The following CREB5 variants were observed in gnomAD, a reference collection of about 807,000 sequenced individuals.
CREB5 encodes cAMP responsive element binding protein 5, also known as cyclic AMP-responsive element-binding protein 5.
A neutral mutation model predicts 57.1 loss-of-function variants in CREB5; 19 were observed. The ratio of observed to expected loss-of-function variants is 0.33; its 90% confidence interval spans 0.23 to 0.49. The LOEUF (loss-of-function observed/expected upper bound fraction) is 0.49, where lower values mean the gene tolerates loss of function less well. Ranked by LOEUF, CREB5 falls within the 20% of genes least tolerant of loss-of-function variation. The probability of loss-of-function intolerance (pLI) is 0.99; values close to 1 mark genes in which losing one functional copy is unlikely to be tolerated. For synonymous variants in CREB5, 238 were observed against 238.3 expected, an observed-to-expected ratio of 1.00 and a Z score of 0.01; for missense variants, 579 against 671.6, an observed-to-expected ratio of 0.86 and a Z score of 1.52.
rs533878301 is a variant in CREB5, at chr7:28,678,946, C to G, written c.465-39807C>G. 3.3e-5 allele frequency among the ~76,000 whole-genome samples: 5 copies of G among 152,140 alleles called. No individual in the cohort carries two copies. The East Asian group carries it at 9.7e-4, about 29-fold the overall frequency. On this transcript the variant is annotated intron_variant, in intron 5 of 10. Transcript: ENST00000357727. ...GACACAGAGCTCTACAGCTGGAATCCTTGTGGAAAGAAATGAAACCACAAA... is the reference window on the plus strand; with the variant it reads ...GACACAGAGCTCTACAGCTGGAATCGTTGTGGAAAGAAATGAAACCACAAA...
At chr7:28,310,407 G>C (rs1188662880) in intron 1 of CREB5, among the ~76,000 whole-genome samples, 1 of 152,218 alleles carries the variant, frequency 6.6e-6, no homozygotes, top group African/African-American at 2.4e-5. Context: ...TGGACAGAAA[G>C]CCTGGAGAAC....
chr7:28,518,223 A>G (rs559380282), intron 4 of CREB5, among the ~76,000 whole-genome samples: 1 of 152,210 alleles, frequency 6.6e-6, no homozygotes, highest in South Asian at 2.1e-4. Flanking sequence ...TGCTGACCGA[A>G]TCCTGCCTGA....
chr7:28,513,446 A>ATTTTTT (rs10649864), intron 4 of CREB5: 1 of 150,550 alleles, frequency 6.6e-6, no homozygotes, highest in African/African-American at 2.4e-5. Context: ...TGATCTTTTC[A>ATTTTTT]TTTTTTTTTT....
In CREB5 at chr7:28,561,570, T is replaced by C. The variant is rs761355489; in HGVS notation, c.292-8795T>C. Among the ~76,000 whole-genome samples, 7 of 152,216 alleles carry C rather than the reference T, an allele frequency of 4.6e-5. No individual in the cohort carries two copies. The East Asian group carries it at 1.2e-3, about 25-fold the overall frequency. On this transcript the variant is annotated intron_variant, in intron 4 of 10. Coordinates refer to ENST00000357727, the MANE Select transcript of CREB5 (RefSeq NM_182898.4). ...AGATAGGGTTGTCTCTATTTAACAA[T>C]TGAGAAAACTGAAGTACAGAGAAGC...
chr7:28,414,024 T>C (rs1360214288), intron 1 of CREB5, among the ~76,000 whole-genome samples: 1 of 152,182 alleles, frequency 6.6e-6, no homozygotes, highest in Non-Finnish European at 1.5e-5. Flanking sequence ...AATTATTTTG[T>C]CGGTGTGTAG....
At chr7:28,403,017 G>A (rs966968232) in intron 1 of CREB5, among the ~76,000 whole-genome samples, 4 of 152,182 alleles carry the variant, frequency 2.6e-5, no homozygotes, top group African/African-American at 9.6e-5. Flanking sequence ...AGGATTTCAA[G>A]ATGTGATTCT....
At chr7:28,413,498 C>G (rs1172135890) in intron 1 of CREB5, among the ~76,000 whole-genome samples, 1 of 151,984 alleles carries the variant, frequency 6.6e-6, no homozygotes, top group African/African-American at 2.4e-5. Context: ...TTATATGGAT[C>G]TCTTATTTTT....
intron 5 of CREB5, among the ~76,000 whole-genome samples, chr7:28,594,967 C>A (rs924848146): frequency 6.6e-6 from 1 of 152,132 alleles, no homozygotes; most frequent in South Asian, 2.1e-4. Flanking sequence ...TCCCCTTATA[C>A]CCTGCTTCAG....
intron 1 of CREB5, among the ~76,000 whole-genome samples, chr7:28,307,955 G>T (rs894494191): frequency 6.6e-6 from 1 of 152,204 alleles, no homozygotes; most frequent in African/African-American, 2.4e-5. Flanking sequence ...TAGATAAGCA[G>T]GGCAGCGCCC....
intron 7 of CREB5, among the ~76,000 whole-genome samples, chr7:28,762,714 TC>T (rs1403925207): frequency 6.7e-6 from 1 of 150,220 alleles, no homozygotes; most frequent in Non-Finnish European, 1.5e-5. Flanking sequence ...AAACTTAAAC[TC>T]TTGGCTATGG....
intron 7 of CREB5, among the ~76,000 whole-genome samples, chr7:28,756,737 C>T (rs1024053962): frequency 6.6e-6 from 1 of 152,108 alleles, no homozygotes; most frequent in Non-Finnish European, 1.5e-5. Context: ...CCTCAAGCAC[C>T]ATATTGGTTA....
chr7:28,758,461 G>A lies in CREB5; in HGVS notation c.702+34129G>A, dbSNP rs953722534. Among the ~76,000 whole-genome samples, 4 of 152,338 alleles carry A rather than the reference G, an allele frequency of 2.6e-5. No individual in the cohort carries two copies. The South Asian group carries it at 6.2e-4, about 24-fold the overall frequency. ...AAGTGTGAGGGCTGGTATGTGAATA[G>A]AGGGAGGTCCGGTGGGGAAAGTCAG... On this transcript the variant is annotated intron_variant, in intron 7 of 10. Coordinates refer to ENST00000357727, the MANE Select transcript of CREB5 (RefSeq NM_182898.4).
intron 4 of CREB5, among the ~76,000 whole-genome samples, chr7:28,524,125 G>A (rs1027483585): frequency 1.3e-5 from 2 of 152,158 alleles, no homozygotes; most frequent in Non-Finnish European, 2.9e-5. Context: ...AGACTGAAGT[G>A]CTTTCTACCT....
intron 1 of CREB5, among the ~76,000 whole-genome samples, chr7:28,485,800 C>T (rs1791520908): frequency 6.6e-6 from 1 of 152,036 alleles, no homozygotes; most frequent in Admixed American, 6.5e-5. Context: ...TTTATTTTGT[C>T]TTGGATCAAA....
intron 1 of CREB5, among the ~76,000 whole-genome samples, 175 bp downstream of exon 1, chr7:28,413,092 A>ATGTGTG (rs10599936): frequency 0.077 from 11,322 of 147,240 alleles, 583 homozygotes; most frequent in African/African-American, 0.14. Flanking sequence ...ATGTGGAAGG[A>ATGTGTG]TGTGTGTGTG....
At chr7:28,319,643 C>A (rs939658571) in intron 1 of CREB5, among the ~76,000 whole-genome samples, 10 of 152,130 alleles carry the variant, frequency 6.6e-5, no homozygotes, top group Admixed American at 1.3e-4. Context: ...CAGCCCAGCC[C>A]ACTCTTCTCA....
Position 28,431,848 on chromosome 7 carries a change from C to T in CREB5, c.3+18931C>T, listed in dbSNP as rs979255733. 3.3e-5 allele frequency among the ~76,000 whole-genome samples: 5 copies of T among 152,182 alleles called. No homozygotes were observed. The East Asian group carries it at 7.7e-4, about 24-fold the overall frequency. On this transcript the variant is annotated intron_variant, in intron 1 of 10. Coordinates refer to ENST00000357727, the MANE Select transcript of CREB5 (RefSeq NM_182898.4). ...TGGGCAGAATGTGGTGGACAAGGGG[C>T]AAGTGTGACCAGATGAACTCTGGGT...
intron 1 of CREB5, among the ~76,000 whole-genome samples, chr7:28,455,756 G>C (rs1158206302): frequency 6.6e-6 from 1 of 152,224 alleles, no homozygotes; most frequent in Non-Finnish European, 1.5e-5. Context: ...CCAGGGGACA[G>C]TGTAAAGGAG....
intron 7 of CREB5, among the ~76,000 whole-genome samples, chr7:28,784,564 A>G (rs1372384868): frequency 6.6e-6 from 1 of 151,990 alleles, no homozygotes; most frequent in East Asian, 1.9e-4. Context: ...GAGTGGAGAA[A>G]CGTATCTGGC....
Sources: allele counts gnomAD v4.1 joint callset (sites outside exome capture counted in the v4.1 genomes callset), GRCh38; gene constraint gnomAD v4.1.1; transcripts MANE v1.5; gene names NCBI Gene and HGNC (gene_info 2026-07-23, HGNC 2026-07-21).